ZNF618: variants seen among roughly 807,000 people sequenced by gnomAD.
The protein encoded by ZNF618 is neural precursor cell expressed, developmentally down-regulated 10.
A neutral mutation model predicts 103.0 loss-of-function variants in ZNF618; 34 were observed. That is an observed-to-expected ratio of 0.33 (90% CI 0.25 to 0.44). The LOEUF (loss-of-function observed/expected upper bound fraction) is 0.44. Ranked by LOEUF, ZNF618 falls within the 20% of genes least tolerant of loss-of-function variation. ZNF618 has a pLI of 1.00. For missense variants in ZNF618, 1,059 were observed against 1,295.4 expected (o/e 0.82, Z 2.80); for synonymous variants, 551 against 542.2 (o/e 1.02, Z -0.23).
At chr9:113,889,164 A>G (rs1210773056) in intron 1 of ZNF618, among the ~76,000 whole-genome samples, 1 of 152,118 alleles carries the variant, frequency 6.6e-6, no homozygotes, top group Non-Finnish European at 1.5e-5. Context: ...GCAGTGGCTC[A>G]GTTGGTCAGT....
chr9:114,000,742 G>A (rs918547393), intron 4 of ZNF618, among the ~76,000 whole-genome samples: 7 of 152,312 alleles, frequency 4.6e-5, no homozygotes, highest in South Asian at 2.1e-4. Context: ...TCACCTGCAC[G>A]GAGGGGCTGG....
rs773406327 is a variant in ZNF618, at chr9:114,048,815, C to T, written c.1513C>T (p.Arg505Cys). Residue 505 changes from arginine to cysteine, a missense_variant, in exon 15 of 15, where the codon CGC (arginine) becomes TGC (cysteine). By Grantham distance (180) the Arg-to-Cys change is radical. This residue lies in a region of ZNF618 where 434 missense variants were observed against 476.0 expected (regional missense o/e 0.91). Coordinates refer to ENST00000374126, the MANE Select transcript of ZNF618 (RefSeq NM_001318042.2). The stretch of plus-strand genomic sequence containing the variant: ...CCAGACCTTAGTAGACAGTGGTGCC[C>T]GCTATGGGGCCTTCTCGGTCACTGA... ...LAQTLVDSGA[R>C]YGAFSVTEIL... 12 of 1,613,310 alleles carry T rather than the reference C, an allele frequency of 7.4e-6. No individual in the cohort carries two copies. The highest frequency in any genetic ancestry group is 1.7e-5 in the Admixed American group (1 of 59,886).
At chr9:114,001,962 T>C (rs1357732093) in intron 4 of ZNF618, 34 bp from the exon 5 acceptor site, 1 of 1,594,576 alleles carries the variant, frequency 6.3e-7, no homozygotes, top group East Asian at 2.2e-5. Context: ...TCACAGAGGT[T>C]GGGTGACCAG....
rs371848009 is a variant in ZNF618 at position 113,932,852 on chromosome 9, G to GATGTT, written c.34-36261_34-36260insTATGT. Among the ~76,000 whole-genome samples, 260 of 152,236 alleles carry GATGTT rather than the reference G, an allele frequency of 1.7e-3. 2 individuals are homozygous for GATGTT. The highest frequency in any genetic ancestry group is 6.1e-3 in the African/African-American group (254 of 41,536). ...AGTGCTGATGTTATGTAAGCTGTTG[G>GATGTT]ATGTAAGTCTGGAGCGCAGGCGAGC... On this transcript the variant is annotated intron_variant, in intron 1 of 14. Coordinates refer to ENST00000374126, the MANE Select transcript of ZNF618 (RefSeq NM_001318042.2).
At chr9:114,006,151 T>A (rs576332835) in intron 6 of ZNF618, among the ~76,000 whole-genome samples, 1 of 152,326 alleles carries the variant, frequency 6.6e-6, no homozygotes, top group African/African-American at 2.4e-5. Flanking sequence ...CCCACGGAAT[T>A]ACCTGGCAGC....
At chr9:113,882,568 A>G (rs555176830) in intron 1 of ZNF618, among the ~76,000 whole-genome samples, 6 of 152,314 alleles carry the variant, frequency 3.9e-5, no homozygotes, top group African/African-American at 1.4e-4. Context: ...AGGCAAAGTT[A>G]GGCGACAAGT....
chr9:114,003,716 C>G (rs1841472197), intron 6 of ZNF618, among the ~76,000 whole-genome samples: 5 of 152,186 alleles, frequency 3.3e-5, no homozygotes, highest in Admixed American at 3.3e-4. Context: ...CTTCAGGGTT[C>G]TGTTTCTTGA....
rs2134708504 is a variant in ZNF618 at position 114,050,100 on chromosome 9, A to G, written c.2798A>G (p.Lys933Arg). The change falls in exon 15 of 15, where the codon AAA becomes AGA. Residue 933 changes from lysine to arginine, a missense_variant. Physicochemically the swap from Lys to Arg is conservative, Grantham distance 26. Transcript: ENST00000374126. ...VNMCEQALLIKRRRLLSPEDM... is the reference protein window; with the variant it reads ...VNMCEQALLIRRRRLLSPEDM... ...ATGTGTGAACAAGCGCTTCTAATCA[A>G]ACGGAGGCGGCTGCTCAGTCCAGAA... is the stretch of plus-strand genomic sequence containing the variant. 6.2e-7 allele frequency: 1 copy of G among 1,609,440 alleles called. No individual in the cohort carries two copies. The highest frequency in any genetic ancestry group is 8.5e-7 in the Non-Finnish European group (1 of 1,178,306).
chr9:113,909,860 C>G (rs886997315), intron 1 of ZNF618, among the ~76,000 whole-genome samples: 4 of 151,938 alleles, frequency 2.6e-5, no homozygotes, highest in African/African-American at 9.7e-5. Context: ...TCTCAGCTCA[C>G]TGCAACCTCT....
intron 2 of ZNF618, among the ~76,000 whole-genome samples, chr9:113,978,095 C>G (rs982654958): frequency 1.3e-5 from 2 of 152,164 alleles, no homozygotes; most frequent in African/African-American, 4.8e-5. Flanking sequence ...TTAATCTAAT[C>G]TTTTCTACTT....
At chr9:114,045,568 T>A (rs2418264) in intron 13 of ZNF618, among the ~76,000 whole-genome samples, 106,460 of 151,834 alleles carry the variant, frequency 0.7, 37,752 homozygotes, top group African/African-American at 0.78. Context: ...GTTGTATTCC[T>A]TTGATCTATA....
At chr9:113,881,790 T>C (rs1357617181) in intron 1 of ZNF618, among the ~76,000 whole-genome samples, 1 of 152,352 alleles carries the variant, frequency 6.6e-6, no homozygotes, top group South Asian at 2.1e-4. Context: ...GTAGTGATGA[T>C]GAGTTCCATC....
chr9:113,973,304 G>T (rs948503801), intron 2 of ZNF618, among the ~76,000 whole-genome samples: 1 of 152,132 alleles, frequency 6.6e-6, no homozygotes, highest in Admixed American at 6.5e-5. Flanking sequence ...TCCAACGTGG[G>T]CTTCTACCCC....
intron 13 of ZNF618, among the ~76,000 whole-genome samples, chr9:114,041,247 G>A (rs1445492524): frequency 6.6e-6 from 1 of 152,166 alleles, no homozygotes; most frequent in African/African-American, 2.4e-5. Context: ...CAGATGAGTA[G>A]ATTGCAAAAA....
Position 114,036,561 on chromosome 9 carries a change from C to G in ZNF618, c.1246+184C>G, listed in dbSNP as rs114317066. Among the ~76,000 whole-genome samples, 761 of 152,324 alleles carry G rather than the reference C, an allele frequency of 5.0e-3. 6 individuals are homozygous for G. The highest frequency in any genetic ancestry group is 0.018 in the African/African-American group (728 of 41,570). On this transcript the variant is annotated intron_variant, in intron 13 of 14. Coordinates refer to ENST00000374126, the MANE Select transcript of ZNF618 (RefSeq NM_001318042.2). The stretch of plus-strand genomic sequence containing the variant: ...TTATTAACACAGGCTGGTCTGTGCT[C>G]TGCAGGTGGGGGCGGTGGGGAGGCA...
chr9:113,890,920 G>T (rs773607709), intron 1 of ZNF618, among the ~76,000 whole-genome samples: 3 of 152,128 alleles, frequency 2.0e-5, no homozygotes, highest in Middle Eastern at 3.2e-3. Context: ...TGAATTGCCT[G>T]TTCAACCTTT....
intron 12 of ZNF618, among the ~76,000 whole-genome samples, chr9:114,035,584 C>T (rs1417115079): frequency 1.3e-5 from 2 of 151,792 alleles, no homozygotes; most frequent in East Asian, 3.9e-4. Flanking sequence ...TCTTCCCACC[C>T]CTCTTTCTTT....
At chr9:113,977,589 T>C (rs1564245680) in intron 2 of ZNF618, among the ~76,000 whole-genome samples, 1 of 152,186 alleles carries the variant, frequency 6.6e-6, no homozygotes, top group African/African-American at 2.4e-5. Context: ...CTGTTGGGGA[T>C]ATTCTATCTG....
At chr9:113,986,692 G>A (rs988744596) in intron 2 of ZNF618, among the ~76,000 whole-genome samples, 2 of 152,180 alleles carry the variant, frequency 1.3e-5, no homozygotes, top group Admixed American at 1.3e-4. Context: ...CAGTCACACT[G>A]GGGGTTAGGG....
Sources: allele counts gnomAD v4.1 joint callset (sites outside exome capture counted in the v4.1 genomes callset), GRCh38; gene constraint gnomAD v4.1.1; regional missense constraint gnomAD v4.1.1; transcripts MANE v1.5; gene names NCBI Gene and HGNC (gene_info 2026-07-23, HGNC 2026-07-21).